The following SMU1 variants were observed in gnomAD, a reference collection of about 807,000 sequenced individuals.
SMU1 encodes the protein SMU1 DNA replication regulator and spliceosomal factor, also known as WD40 repeat-containing protein SMU1.
Under a neutral mutation model 62.0 loss-of-function variants are expected in SMU1, and 2 were observed. The ratio of observed to expected loss-of-function variants is 0.03; its 90% CI spans 0.01 to 0.10. The LOEUF is 0.10. SMU1 is among the 10% of genes least tolerant of loss of function. The pLI, the probability that SMU1 is intolerant of heterozygous loss-of-function variation, is 1.00. For missense variants in SMU1, 227 were observed against 622.1 expected (o/e 0.36, Z 6.76); for synonymous variants, 188 against 212.4 (o/e 0.89, Z 1.00).
chr9:33,054,513 A>G (rs1839284485), intron 9 of SMU1, among the ~76,000 whole-genome samples: 1 of 152,226 alleles, frequency 6.6e-6, no homozygotes, highest in African/African-American at 2.4e-5. Flanking sequence ...GGCCACTTGC[A>G]TTACTTTTCC....
Position 33,053,170 on chromosome 9 carries a change from C to G in SMU1, c.1243G>C (p.Val415Leu). The G allele has an allele frequency of 6.2e-7, 1 of 1,612,260 alleles. No homozygotes were observed. Among genetic ancestry groups the G allele is most frequent in the Non-Finnish European group, 8.5e-7 (1 of 1,180,030 alleles). Residue 415 changes from valine to leucine, a missense_variant, in exon 10 of 12, where the codon GTG becomes CTG. By Grantham distance (32) the Val-to-Leu change is conservative. Coordinates refer to ENST00000397149, the MANE Select transcript of SMU1 (RefSeq NM_018225.3). Reference protein sequence around the residue: ...LLPKNPEHFVVCNRSNTVVIM... With the variant: ...LLPKNPEHFVLCNRSNTVVIM... ...ACCACCGTGTTTGATCTGTTGCACA[C>G]CACAAAGTGCTCAGGGTTTTTAGGA...
chr9:33,073,493 G>T, intron 2 of SMU1, 103 bp downstream of exon 2: 1 of 718,792 alleles, frequency 1.4e-6, no homozygotes, highest in Non-Finnish European at 2.4e-6. Context: ...ATGGGCTGAT[G>T]CAGCCCTACC....
chr9:33,076,654 G>A lies in SMU1; in HGVS notation c.-46C>T, dbSNP rs1839550826. The A allele has an allele frequency of 6.2e-7, 1 of 1,613,186 alleles. No individual in the cohort carries two copies. The highest frequency in any genetic ancestry group is 1.7e-5 in the Admixed American group (1 of 59,994). ...AGGCCCCAGCTCTCCCTCAAGGCCA[G>A]TCGCGCAACACACCAACGACACCTC... On this transcript the variant is annotated 5_prime_UTR_variant, in exon 1 of 12. Coordinates refer to ENST00000397149, the MANE Select transcript of SMU1 (RefSeq NM_018225.3).
intron 4 of SMU1, among the ~76,000 whole-genome samples, chr9:33,063,697 G>A (rs991083180): frequency 4.2e-4 from 64 of 151,794 alleles, no homozygotes; most frequent in African/African-American, 1.4e-3. Flanking sequence ...TTTGAAATGC[G>A]CATGCGAGGG....
At chr9:33,057,534 A>T in intron 7 of SMU1, 64 bp downstream of exon 7, 1 of 1,579,540 alleles carries the variant, frequency 6.3e-7, no homozygotes, top group Non-Finnish European at 8.7e-7. Context: ...CATATGTAGG[A>T]CACTACCCCA....
chr9:33,070,504 C>T (rs1015292558), intron 3 of SMU1, among the ~76,000 whole-genome samples: 3 of 152,172 alleles, frequency 2.0e-5, no homozygotes, highest in Admixed American at 2.0e-4. Context: ...CATGGAGGTA[C>T]CATATGATCC....
intron 4 of SMU1, among the ~76,000 whole-genome samples, chr9:33,066,143 C>G (rs1000893911): frequency 6.6e-6 from 1 of 152,102 alleles, no homozygotes; most frequent in Non-Finnish European, 1.5e-5. Context: ...ACCACCCAAC[C>G]TGACATACCA....
At chr9:33,061,394 G>A (rs537631022) in intron 5 of SMU1, among the ~76,000 whole-genome samples, 6 of 151,982 alleles carry the variant, frequency 3.9e-5, no homozygotes, top group Non-Finnish European at 8.8e-5. Flanking sequence ...ATCCAGAAAA[G>A]GCAAACCCAA....
intron 4 of SMU1, among the ~76,000 whole-genome samples, chr9:33,065,176 C>A (rs2119441733): frequency 6.6e-6 from 1 of 152,312 alleles, no homozygotes; most frequent in African/African-American, 2.4e-5. Context: ...GATCCAAGGG[C>A]CTATACTGCA....
chr9:33,072,008 AG>A, intron 2 of SMU1, 116 bp from the exon 3 acceptor site: 1 of 1,056,338 alleles, frequency 9.5e-7, no homozygotes, highest in Non-Finnish European at 1.3e-6. Context: ...TTCCAATACC[AG>A]GAAGTGCCCC....
rs550802431 is a variant in SMU1 at position 33,043,771 on chromosome 9, T to C, written c.*3522A>G. 21 of 152,248 alleles carry C rather than the reference T, an allele frequency of 1.4e-4. No individual in the cohort carries two copies. The highest frequency in any genetic ancestry group is 3.4e-4 in the African/African-American group (14 of 41,442). The allele number at this position is 152,248 out of a possible 1,614,324, so 9.4% of individuals were successfully genotyped here. A position where few individuals can be genotyped will look rare whatever the true frequency, so the allele number is the denominator to read the frequency against. On this transcript the variant is annotated 3_prime_UTR_variant, in exon 12 of 12. Coordinates refer to ENST00000397149, the MANE Select transcript of SMU1 (RefSeq NM_018225.3). ...TCACATCTGGTTTTCAATGCGAGCTTCGTGCAAGTTGGACTGAGTTAGGTG... is the reference window on the plus strand; with the variant it reads ...TCACATCTGGTTTTCAATGCGAGCTCCGTGCAAGTTGGACTGAGTTAGGTG...
intron 10 of SMU1, among the ~76,000 whole-genome samples, chr9:33,052,736 T>C (rs1486921863): frequency 6.6e-6 from 1 of 152,240 alleles, no homozygotes; most frequent in African/African-American, 2.4e-5. Context: ...CTTTCTCCTA[T>C]TAGTGTTCCA....
chr9:33,075,455 A>G (rs1839535699), intron 1 of SMU1, among the ~76,000 whole-genome samples: 1 of 151,986 alleles, frequency 6.6e-6, no homozygotes, highest in East Asian at 1.9e-4. Flanking sequence ...GTATGCAGGT[A>G]TCCAGACTTA....
At chr9:33,057,073 A>G (rs1839312301) in intron 7 of SMU1, 109 bp from the exon 8 acceptor site, 7 of 1,160,446 alleles carry the variant, frequency 6.0e-6, no homozygotes, top group Non-Finnish European at 8.5e-6. Context: ...CTGAAACAGC[A>G]TTAAAAATGC....
intron 8 of SMU1, 152 bp from the exon 9 acceptor site, chr9:33,056,391 A>G (rs1839304441): frequency 1.1e-5 from 8 of 744,584 alleles, no homozygotes; most frequent in Non-Finnish European, 1.4e-5. Flanking sequence ...TGTAATTTTC[A>G]CTATATCAAA....
chr9:33,069,375 G>A (rs1839461555), intron 3 of SMU1, among the ~76,000 whole-genome samples: 1 of 152,176 alleles, frequency 6.6e-6, no homozygotes, highest in African/African-American at 2.4e-5. Context: ...TCCTGTCCTG[G>A]TAATCTAAAA....
At chr9:33,051,609 G>A (rs529647317) in intron 10 of SMU1, among the ~76,000 whole-genome samples, 2 of 152,254 alleles carry the variant, frequency 1.3e-5, no homozygotes, top group African/African-American at 4.8e-5. Context: ...GCTCAATTTT[G>A]CTGTGAACCT....
rs1267412296 is a variant in SMU1 at position 33,042,116 on chromosome 9, CAT to C, written c.*5175_*5176del. On this transcript the variant is annotated 3_prime_UTR_variant, in exon 12 of 12. Transcript: ENST00000397149. ...AATCCTAAGAACACTAAAAGAAAGT[CAT>C]ATTAGGTCGGTTGGTGCAAAAGTAA... is the stretch of plus-strand genomic sequence containing the variant. 2.6e-5 allele frequency: 4 copies of C among 152,030 alleles called. No individual in the cohort carries two copies. Among genetic ancestry groups the C allele is most frequent in the African/African-American group, 9.7e-5 (4 of 41,226 alleles). 9.4% of individuals were successfully genotyped at this position (152,030 alleles called of 1,614,324 possible).
At position 33,047,212 on chromosome 9, in the gene SMU1, C is replaced by CAAAAAA. The variant is rs34866457; in HGVS notation, c.*75_*80dup. 62 of 646,066 alleles carry CAAAAAA rather than the reference C, an allele frequency of 9.6e-5. No homozygotes were observed. Among genetic ancestry groups the CAAAAAA allele is most frequent in the Middle Eastern group, 4.6e-4 (1 of 2,160 alleles). 40.0% of individuals were successfully genotyped at this position (646,066 alleles called of 1,614,324 possible). On this transcript the variant is annotated 3_prime_UTR_variant, in exon 12 of 12. Coordinates refer to ENST00000397149, the MANE Select transcript of SMU1 (RefSeq NM_018225.3). ...CAATCTATTTGCTTAGAAAAGCTGG[C>CAAAAAA]AAAAAAAAAAAAAAGCACATTACAT... is the stretch of plus-strand genomic sequence containing the variant.
Sources: gnomAD v4.1 joint callset for allele counts (sites outside exome capture counted in the v4.1 genomes callset) on GRCh38, gnomAD v4.1.1 for gene constraint, MANE v1.5 for transcripts, NCBI Gene and HGNC (gene_info 2026-07-23, HGNC 2026-07-21) for gene names.